Variants in MARS1 observed in about 807,000 individuals in gnomAD.
The protein encoded by MARS1 is methionyl-tRNA synthetase 1.
MARS1 carries 80 observed loss-of-function variants against 119.5 expected under a neutral mutation model. The observed-to-expected ratio is 0.67, with a 90% CI of 0.56 to 0.81. The LOEUF (loss-of-function observed/expected upper bound fraction) is 0.81, where lower values mean the gene tolerates loss of function less well. MARS1 is among the 30% of genes least tolerant of loss of function. The pLI, the probability that MARS1 is intolerant of heterozygous loss-of-function variation, is 0.00. For synonymous variants in MARS1, 418 were observed against 433.4 expected (o/e 0.96, Z 0.44); for missense variants, 945 against 1,116.5 (o/e 0.85, Z 2.19).
chr12:57,494,901 ACTT>A (rs1300090574), intron 7 of MARS1, among the ~76,000 whole-genome samples: 1 of 152,166 alleles, frequency 6.6e-6, no homozygotes, highest in Non-Finnish European at 1.5e-5. Flanking sequence ...TCCTATGTCT[ACTT>A]CTTTCCACAC....
At chr12:57,513,987 C>T (rs779858766) in intron 15 of MARS1, among the ~76,000 whole-genome samples, 21 of 147,782 alleles carry the variant, frequency 1.4e-4, no homozygotes, top group Non-Finnish European at 2.7e-4. Context: ...CACTTGAACC[C>T]GGGAGGCAAA....
chr12:57,496,619 A>T (rs1336774867), intron 7 of MARS1, among the ~76,000 whole-genome samples: 2 of 151,946 alleles, frequency 1.3e-5, no homozygotes, highest in African/African-American at 4.8e-5. Context: ...TACAAAAAAA[A>T]TTTAAAAATT....
At chr12:57,488,790 G>T (rs1875678403) in intron 1 of MARS1, 3 of 896,196 alleles carry the variant, frequency 3.3e-6, no homozygotes, top group Non-Finnish European at 5.2e-6. Flanking sequence ...CACCTCCTCT[G>T]CAGTCCCCAT....
chr12:57,514,360 T>C (rs1430719074), intron 15 of MARS1, among the ~76,000 whole-genome samples: 1 of 152,024 alleles, frequency 6.6e-6, no homozygotes, highest in Non-Finnish European at 1.5e-5. Context: ...GGTTTCACCA[T>C]GGCCAGGCCA....
chr12:57,513,073 G>A (rs1435553615), intron 15 of MARS1, 109 bp downstream of exon 15: 1 of 873,376 alleles, frequency 1.1e-6, no homozygotes, highest in Non-Finnish European at 1.9e-6. Context: ...AGGCTGTGAG[G>A]ACACTGTGGA....
At chr12:57,489,162 T>C in intron 2 of MARS1, 53 bp downstream of exon 2, 1 of 1,595,706 alleles carries the variant, frequency 6.3e-7, no homozygotes, top group Non-Finnish European at 8.6e-7. Flanking sequence ...CAGGCCTCAC[T>C]GTCATTTGTG....
At chr12:57,506,873 TG>T (rs1483992719) in intron 11 of MARS1, among the ~76,000 whole-genome samples, 2 of 149,912 alleles carry the variant, frequency 1.3e-5, no homozygotes, top group African/African-American at 4.9e-5. Flanking sequence ...TTTTTTTAAT[TG>T]ACCATTCTTG....
At chr12:57,509,573 A>AT (rs1166429491) in intron 11 of MARS1, among the ~76,000 whole-genome samples, 3 of 151,694 alleles carry the variant, frequency 2.0e-5, no homozygotes, top group Non-Finnish European at 4.4e-5. Flanking sequence ...CACCCAGCTA[A>AT]TTTTTTTTGT....
rs1275719975 is a variant in MARS1, at chr12:57,489,284, C to T, written c.218C>T (p.Ser73Phe). The T allele has an allele frequency of 6.2e-7, 1 of 1,613,494 alleles. No homozygotes were observed. Among genetic ancestry groups the T allele is most frequent in the Non-Finnish European group, 8.5e-7 (1 of 1,179,928 alleles). The stretch of plus-strand genomic sequence containing the variant: ...CTGGGCAGATATTTTTTTTTGTTAT[C>T]TGGCTGGGAGCAAGATGACCTCACT... ...SAICRYFFLL[S>F]GWEQDDLTNQ... The change falls in exon 3 of 21, where the codon TCT (serine) becomes TTT (phenylalanine). Residue 73 changes from serine to phenylalanine, a missense_variant. By Grantham distance (155) the Ser-to-Phe change is radical. Transcript: ENST00000262027.
At chr12:57,493,542 AT>A (rs1565640384) in intron 7 of MARS1, among the ~76,000 whole-genome samples, 3 of 2,506 alleles carry the variant, frequency 1.2e-3, no homozygotes, top group South Asian at 0.022. Context: ...TATATAATAT[AT>A]TATAATATAT....
At chr12:57,492,666 A>T (rs1004515821) in intron 7 of MARS1, among the ~76,000 whole-genome samples, 3 of 123,520 alleles carry the variant, frequency 2.4e-5, no homozygotes, top group Non-Finnish European at 4.9e-5. Context: ...GCGCGACTCC[A>T]TTTCACACAC....
At chr12:57,495,835 C>T (rs1485406743) in intron 7 of MARS1, among the ~76,000 whole-genome samples, 1 of 152,154 alleles carries the variant, frequency 6.6e-6, no homozygotes, top group Non-Finnish European at 1.5e-5. Context: ...CCCGTCTCCA[C>T]CAAAAAATAC....
chr12:57,489,591 G>A, intron 4 of MARS1, 33 bp downstream of exon 4: 2 of 1,613,402 alleles, frequency 1.2e-6, no homozygotes, highest in Non-Finnish European at 1.7e-6. Flanking sequence ...GACTGGGGAA[G>A]GCTTATGGTG....
chr12:57,493,312 T>TCA (rs1219401042), intron 7 of MARS1, among the ~76,000 whole-genome samples: 1 of 104,454 alleles, frequency 9.6e-6, no homozygotes, highest in African/African-American at 4.0e-5. Flanking sequence ...ATAATATATA[T>TCA]TATATAATAT....
At chr12:57,506,694 T>C (rs1187696779) in intron 11 of MARS1, among the ~76,000 whole-genome samples, 1 of 152,140 alleles carries the variant, frequency 6.6e-6, no homozygotes. Context: ...TTTCTTTTCT[T>C]GAGATGGAGT....
In MARS1 at chr12:57,488,684, A is replaced by T. The variant is rs77298381; in HGVS notation, c.110-335A>T. On this transcript the variant is annotated intron_variant, in intron 1 of 20. Coordinates refer to ENST00000262027, the MANE Select transcript of MARS1 (RefSeq NM_004990.4). ...CTTGTAAGTCTTCTCAGTTCTTTTA[A>T]TTTTGTTCTCCCACTGTGACCTTCA... 5.9e-6 allele frequency: 9 copies of T among 1,538,078 alleles called. No homozygotes were observed. In the African/African-American group the frequency reaches 8.3e-5, roughly 14 times the overall value.
At chr12:57,488,807 C>A in intron 1 of MARS1, 2 of 840,754 alleles carry the variant, frequency 2.4e-6, no homozygotes, top group Non-Finnish European at 3.8e-6. Context: ...CCATCTGTTG[C>A]TTCCAGCTGG....
chr12:57,512,715 T>C, intron 14 of MARS1, 36 bp from the exon 15 acceptor site: 1 of 1,500,926 alleles, frequency 6.7e-7, no homozygotes, highest in Non-Finnish European at 9.3e-7. Context: ...GGATGTGATG[T>C]GAGCAGATGG....
intron 10 of MARS1, among the ~76,000 whole-genome samples, chr12:57,501,961 C>G (rs757035080): frequency 6.6e-6 from 1 of 152,026 alleles, no homozygotes; most frequent in African/African-American, 2.4e-5. Flanking sequence ...CCACTGCATT[C>G]CAGCCTGGGT....
Sources: gnomAD v4.1 joint callset for allele counts (sites outside exome capture counted in the v4.1 genomes callset) on GRCh38, gnomAD v4.1.1 for gene constraint, MANE v1.5 for transcripts, NCBI Gene and HGNC (gene_info 2026-07-23, HGNC 2026-07-21) for gene names.